Variants in FUBP3 observed in about 807,000 individuals in gnomAD.
FUBP3 encodes far upstream element binding protein 3, also known as far upstream element-binding protein 3.
FUBP3 carries 28 observed loss-of-function variants against 85.6 expected under a neutral mutation model. The ratio of observed to expected loss-of-function variants is 0.33; its 90% confidence interval spans 0.24 to 0.45. The LOEUF (loss-of-function observed/expected upper bound fraction) is 0.45. Among genes scored for constraint, FUBP3 ranks in the 20% least tolerant of loss-of-function variants. FUBP3 has a pLI of 1.00. For missense variants in FUBP3, 583 were observed against 755.1 expected, an observed-to-expected ratio of 0.77 and a Z score of 2.67; for synonymous variants, 271 against 271.4, an observed-to-expected ratio of 1.00 and a Z score of 0.01.
intron 2 of FUBP3, chr9:130,596,527 C>T (rs527571299): frequency 3.1e-4 from 48 of 156,956 alleles, no homozygotes; most frequent in Non-Finnish European, 5.3e-4. Flanking sequence ...TTTTTTTAAT[C>T]CCTCCTTAGC....
intron 2 of FUBP3, among the ~76,000 whole-genome samples, chr9:130,606,681 G>A (rs1248580488): frequency 5.9e-5 from 9 of 152,138 alleles, no homozygotes; most frequent in East Asian, 1.9e-4. Context: ...TTAGCCGGGC[G>A]TAGTGGCGCA....
chr9:130,588,325 A>T (rs938500058), intron 1 of FUBP3, among the ~76,000 whole-genome samples: 8 of 152,188 alleles, frequency 5.3e-5, no homozygotes, highest in Non-Finnish European at 1.2e-4. Flanking sequence ...TAATAATTTT[A>T]AAAACAATAT....
chr9:130,581,861 C>T (rs149519442), intron 1 of FUBP3: 2 of 152,314 alleles, frequency 1.3e-5, no homozygotes, highest in African/African-American at 4.8e-5. Flanking sequence ...TCGTAATACT[C>T]TCAGTTGACC....
chr9:130,627,510 C>T (rs1347562960), intron 12 of FUBP3, among the ~76,000 whole-genome samples: 1 of 152,224 alleles, frequency 6.6e-6, no homozygotes, highest in African/African-American at 2.4e-5. Flanking sequence ...ACACTCACCT[C>T]CCAGGAGCTG....
intron 15 of FUBP3, 69 bp from the exon 16 acceptor site, chr9:130,632,133 C>T: frequency 6.8e-7 from 1 of 1,462,116 alleles, no homozygotes; most frequent in African/African-American, 1.4e-5. Context: ...GGGAGGTGAG[C>T]AGTGAAGAGG....
At position 130,614,815 on chromosome 9, in the gene FUBP3, C is replaced by T. The variant is rs1315845007; in HGVS notation, c.404+470C>T. 2.6e-5 allele frequency among the ~76,000 whole-genome samples: 4 copies of T among 152,294 alleles called. 1 individual carries two copies. Among genetic ancestry groups the T allele is most frequent in the African/African-American group, 2.4e-5 (1 of 41,560 alleles). ...CGTGACTTTGCTCTACTCAGAGGGC[C>T]GTACGGACTGGCCAGAGGATGTCTT... On this transcript the variant is annotated intron_variant, in intron 6 of 18. Transcript: ENST00000319725.
At chr9:130,582,195 A>C (rs1830156218) in intron 1 of FUBP3, 1 of 152,180 alleles carries the variant, frequency 6.6e-6, no homozygotes, top group South Asian at 2.1e-4. Context: ...TCATGCTTGT[A>C]ATCTCAGCAC....
At position 130,612,413 on chromosome 9, in the gene FUBP3, G is replaced by A. The variant is rs745622358; in HGVS notation, c.225-43G>A. 7.7e-6 allele frequency: 10 copies of A among 1,295,380 alleles called. No homozygotes were observed. The East Asian group carries it at 2.3e-4, about 30-fold the overall frequency. 80.2% of individuals were successfully genotyped at this position (1,295,380 alleles called of 1,614,324 possible). A position where few individuals can be genotyped will look rare whatever the true frequency, so the allele number is the denominator to read the frequency against. On this transcript the variant is annotated intron_variant, in intron 3 of 18. Coordinates refer to ENST00000319725, the MANE Select transcript of FUBP3 (RefSeq NM_003934.2). The surrounding 1 kb of genome is among the most constrained non-coding windows in gnomAD (Gnocchi z 4.1). ...TTGGGGACCTAAAATGGCTGCAAAA[G>A]TCTGTATTCTGTATTTTTTTCCAAA...
At chr9:130,593,739 CT>C (rs1830734413) in intron 1 of FUBP3, among the ~76,000 whole-genome samples, 1 of 152,226 alleles carries the variant, frequency 6.6e-6, no homozygotes, top group African/African-American at 2.4e-5. Context: ...CACAGCTGTG[CT>C]AGCTGCCCCC....
At chr9:130,631,654 C>G in intron 14 of FUBP3, 24 bp downstream of exon 14, 1 of 1,573,914 alleles carries the variant, frequency 6.4e-7, no homozygotes, top group Non-Finnish European at 8.7e-7. Context: ...ATCAGTCTTG[C>G]CTGGGAGAAT....
intron 1 of FUBP3, among the ~76,000 whole-genome samples, chr9:130,592,752 C>T (rs550321994): frequency 1.3e-5 from 2 of 152,194 alleles, no homozygotes; most frequent in East Asian, 1.9e-4. Context: ...CTGTGTTGCC[C>T]AGGCTGGTCT....
At chr9:130,618,944 A>G (rs1447880351) in intron 8 of FUBP3, among the ~76,000 whole-genome samples, 3 of 152,204 alleles carry the variant, frequency 2.0e-5, no homozygotes, top group Non-Finnish European at 2.9e-5. Context: ...GTTCACTTCC[A>G]TCGGGCCAGA....
chr9:130,630,267 G>A (rs548578254), intron 12 of FUBP3, among the ~76,000 whole-genome samples: 4 of 152,318 alleles, frequency 2.6e-5, no homozygotes, highest in South Asian at 2.1e-4. Flanking sequence ...CTGGCTGGGC[G>A]GGAGCCCCAC....
At chr9:130,582,865 T>C (rs1564186233) in intron 1 of FUBP3, among the ~76,000 whole-genome samples, 2 of 152,230 alleles carry the variant, frequency 1.3e-5, no homozygotes, top group Non-Finnish European at 2.9e-5. Context: ...ACAGCAGCCT[T>C]CCACAAGCTG....
chr9:130,605,995 A>C (rs188873076), intron 2 of FUBP3, among the ~76,000 whole-genome samples: 2 of 152,312 alleles, frequency 1.3e-5, no homozygotes, highest in East Asian at 3.9e-4. Context: ...AACAACAACA[A>C]CAACAAAAAA....
chr9:130,633,911 A>G (rs1830313551), intron 16 of FUBP3, among the ~76,000 whole-genome samples: 2 of 152,128 alleles, frequency 1.3e-5, no homozygotes. Context: ...CAATCCTTAC[A>G]GGAGACGAGA....
intron 2 of FUBP3, among the ~76,000 whole-genome samples, chr9:130,604,414 T>C (rs1235934770): frequency 6.6e-6 from 1 of 152,198 alleles, no homozygotes; most frequent in Non-Finnish European, 1.5e-5. Flanking sequence ...AGTATAGTAC[T>C]TAAACATGTG....
chr9:130,595,359 G>A, intron 1 of FUBP3, 124 bp from the exon 2 acceptor site: 3 of 658,898 alleles, frequency 4.6e-6, no homozygotes, highest in East Asian at 2.6e-5. Flanking sequence ...TTGCGGTGCT[G>A]CCTTCCATTA....
intron 8 of FUBP3, among the ~76,000 whole-genome samples, chr9:130,619,772 G>C (rs530925522): frequency 6.6e-6 from 1 of 152,198 alleles, no homozygotes; most frequent in African/African-American, 2.4e-5. Flanking sequence ...ATATAGTGAC[G>C]TCCACAAGGA....
Sources: allele counts gnomAD v4.1 joint callset (sites outside exome capture counted in the v4.1 genomes callset), GRCh38; gene constraint gnomAD v4.1.1; non-coding constraint Gnocchi (gnomAD v3.1); transcripts MANE v1.5; gene names NCBI Gene and HGNC (gene_info 2026-07-23, HGNC 2026-07-21).